The following GRM5 variants were observed in gnomAD, a reference collection of about 807,000 sequenced individuals.
GRM5 encodes the protein glutamate metabotropic receptor 5, also known as metabotropic glutamate receptor 5.
In GRM5, 19 loss-of-function variants were observed where a neutral mutation model predicts 83.1. The observed-to-expected ratio is 0.23, with a 90% CI of 0.16 to 0.34. GRM5 has a LOEUF of 0.34. Among genes scored for constraint, GRM5 ranks in the 10% least tolerant of loss-of-function variants. The probability of loss-of-function intolerance (pLI) is 1.00; values close to 1 mark genes in which losing one functional copy is unlikely to be tolerated. For missense variants in GRM5, 1,160 were observed against 1,588.3 expected, an observed-to-expected ratio of 0.73 and a Z score of 4.58; for synonymous variants, 675 against 633.6, an observed-to-expected ratio of 1.07 and a Z score of -0.98.
chr11:88,520,802 G>A (rs866483517), intron 9 of GRM5, among the ~76,000 whole-genome samples: 1 of 152,136 alleles, frequency 6.6e-6, no homozygotes, highest in African/African-American at 2.4e-5. Context: ...GGACTATTAT[G>A]ACATGACTCT....
intron 3 of GRM5, among the ~76,000 whole-genome samples, chr11:88,729,107 T>G (rs984891263): frequency 7.2e-5 from 11 of 152,132 alleles, no homozygotes; most frequent in African/African-American, 9.7e-5. Flanking sequence ...ATGACATGAT[T>G]GTGTCTTTTT....
At chr11:89,011,858 T>C (rs928632645) in intron 2 of GRM5, among the ~76,000 whole-genome samples, 4 of 152,188 alleles carry the variant, frequency 2.6e-5, no homozygotes, top group Non-Finnish European at 5.9e-5. Flanking sequence ...TGTTATTTCA[T>C]AGATGTTTTC....
At chr11:88,827,343 TCA>T (rs1173580409) in intron 3 of GRM5, among the ~76,000 whole-genome samples, 1 of 152,204 alleles carries the variant, frequency 6.6e-6, no homozygotes, top group Non-Finnish European at 1.5e-5. Context: ...GGATGTCTAG[TCA>T]CACATCCTTA....
Position 89,047,904 on chromosome 11 carries a change from G to A in GRM5, c.-32C>T. 1 of 1,562,072 alleles carries A rather than the reference G, an allele frequency of 6.4e-7. No individual in the cohort carries two copies. Among genetic ancestry groups the A allele is most frequent in the Non-Finnish European group, 8.8e-7 (1 of 1,137,234 alleles). On this transcript the variant is annotated 5_prime_UTR_variant, in exon 2 of 10. Coordinates refer to ENST00000305447, the MANE Select transcript of GRM5 (RefSeq NM_001143831.3). This position sits in a 1 kb window ranked among gnomAD's most constrained non-coding sequence, Gnocchi z 5.1. ...AAAGGAGTTCAAGCCAATAAAGATA[G>A]CATGGTGGGGAAAATTCAGGAGGGT...
chr11:89,064,056 G>T (rs1337478781), intron 1 of GRM5, among the ~76,000 whole-genome samples: 1 of 152,188 alleles, frequency 6.6e-6, no homozygotes, highest in African/African-American at 2.4e-5. Flanking sequence ...TCTCCTAGGA[G>T]TGTAGACATC....
At chr11:88,763,994 T>C (rs773843263) in intron 3 of GRM5, among the ~76,000 whole-genome samples, 4 of 151,306 alleles carry the variant, frequency 2.6e-5, no homozygotes, top group African/African-American at 4.8e-5. Flanking sequence ...GATTCAAAGG[T>C]ACAAATAGAC....
chr11:88,854,310 G>A (rs1349400634), intron 2 of GRM5, among the ~76,000 whole-genome samples: 1 of 151,682 alleles, frequency 6.6e-6, no homozygotes, highest in Non-Finnish European at 1.5e-5. Flanking sequence ...AATCAGGATT[G>A]CCATATTGTG....
chr11:88,720,630 A>G (rs1398468403), intron 3 of GRM5, among the ~76,000 whole-genome samples: 4 of 152,082 alleles, frequency 2.6e-5, no homozygotes, highest in Non-Finnish European at 5.9e-5. Context: ...TTTCTCTGTA[A>G]TAGGGAGACA....
intron 3 of GRM5, among the ~76,000 whole-genome samples, chr11:88,784,576 G>A (rs1464456551): frequency 7.2e-5 from 11 of 151,998 alleles, no homozygotes; most frequent in Admixed American, 6.6e-4. Flanking sequence ...GAGATTGACT[G>A]GCTAGAACAC....
intron 2 of GRM5, among the ~76,000 whole-genome samples, chr11:89,027,205 C>G (rs1204650627): frequency 6.6e-6 from 1 of 152,006 alleles, no homozygotes; most frequent in Non-Finnish European, 1.5e-5. Context: ...AAACGATTCT[C>G]TGGCCTCAGC....
At chr11:88,759,413 C>T (rs1942464182) in intron 3 of GRM5, among the ~76,000 whole-genome samples, 1 of 152,094 alleles carries the variant, frequency 6.6e-6, no homozygotes, top group East Asian at 1.9e-4. Context: ...AGAAAAAAAG[C>T]AGGCATTGCA....
At chr11:88,537,873 C>A (rs1200844140) in intron 8 of GRM5, among the ~76,000 whole-genome samples, 2 of 151,944 alleles carry the variant, frequency 1.3e-5, no homozygotes, top group Non-Finnish European at 2.9e-5. Context: ...AGATAAGCTG[C>A]AAAATGATTT....
intron 2 of GRM5, among the ~76,000 whole-genome samples, chr11:89,034,085 A>C (rs1227821943): frequency 6.6e-6 from 1 of 151,746 alleles, no homozygotes; most frequent in Non-Finnish European, 1.5e-5. Flanking sequence ...AAATTGTTTC[A>C]CTGTTAAATA....
At chr11:88,994,018 C>T (rs1940086901) in intron 2 of GRM5, among the ~76,000 whole-genome samples, 1 of 152,006 alleles carries the variant, frequency 6.6e-6, no homozygotes, top group African/African-American at 2.4e-5. Context: ...GTACCAACCT[C>T]AGTAAAGTTT....
chr11:88,821,369 AG>A (rs1251238465), intron 3 of GRM5, among the ~76,000 whole-genome samples: 5 of 148,276 alleles, frequency 3.4e-5, no homozygotes, highest in African/African-American at 7.7e-5. Context: ...AAAAGAAAAA[AG>A]AAAAAAAAAA....
At chr11:88,604,230 G>A (rs1938079270) in intron 5 of GRM5, among the ~76,000 whole-genome samples, 1 of 152,146 alleles carries the variant, frequency 6.6e-6, no homozygotes, top group Non-Finnish European at 1.5e-5. Context: ...AAGGAAGAAA[G>A]TGATCCAGCT....
chr11:88,734,919 C>T (rs112281753), intron 3 of GRM5, among the ~76,000 whole-genome samples: 4 of 152,096 alleles, frequency 2.6e-5, no homozygotes, highest in African/African-American at 9.6e-5. Flanking sequence ...GGAGAGACAT[C>T]ATAGATGGAT....
At chr11:88,959,935 G>C (rs547386615) in intron 2 of GRM5, among the ~76,000 whole-genome samples, 1 of 152,286 alleles carries the variant, frequency 6.6e-6, no homozygotes, top group South Asian at 2.1e-4. Context: ...GTTTTCCATA[G>C]AACATTTTAA....
At chr11:88,685,969 C>T (rs776005087) in intron 3 of GRM5, among the ~76,000 whole-genome samples, 8 of 152,204 alleles carry the variant, frequency 5.3e-5, no homozygotes, top group Non-Finnish European at 8.8e-5. Context: ...CACACAGAAT[C>T]CTGACTGGGG....
Sources: allele counts gnomAD v4.1 joint callset (sites outside exome capture counted in the v4.1 genomes callset), GRCh38; gene constraint gnomAD v4.1.1; non-coding constraint Gnocchi (gnomAD v3.1); transcripts MANE v1.5; gene names NCBI Gene and HGNC (gene_info 2026-07-23, HGNC 2026-07-21).